EXOC6: variants seen among roughly 807,000 people sequenced by gnomAD.
EXOC6 encodes the protein SEC15-like 1.
In EXOC6, 60 loss-of-function variants were observed where a neutral mutation model predicts 112.5. The observed-to-expected ratio is 0.53, with a 90% CI of 0.43 to 0.66. EXOC6 has a LOEUF of 0.66. Among genes scored for constraint, EXOC6 ranks in the 30% least tolerant of loss-of-function variants. The probability of loss-of-function intolerance (pLI) is 0.00; values close to 1 mark genes in which losing one functional copy is unlikely to be tolerated. For synonymous variants in EXOC6, 295 were observed against 308.0 expected, an observed-to-expected ratio of 0.96 and a Z score of 0.44; for missense variants, 855 against 957.1, an observed-to-expected ratio of 0.89 and a Z score of 1.41.
chr10:92,914,062 G>T (rs1027698581), intron 6 of EXOC6, among the ~76,000 whole-genome samples: 4 of 152,164 alleles, frequency 2.6e-5, no homozygotes, highest in Non-Finnish European at 5.9e-5. Context: ...CCGTGGACTG[G>T]TACCTGTCTG....
At chr10:92,829,994 A>C (rs964537032), upstream of EXOC6, among the ~76,000 whole-genome samples, 1 of 152,168 alleles carries the variant, frequency 6.6e-6, no homozygotes, top group African/African-American at 2.4e-5. Context: ...GGAATCACCC[A>C]CCCCTTTCCC....
intron 13 of EXOC6, among the ~76,000 whole-genome samples, chr10:92,946,385 C>A (rs1032843528): frequency 1.3e-5 from 2 of 151,590 alleles, no homozygotes; most frequent in Non-Finnish European, 2.9e-5. Context: ...CAGAGTGAGA[C>A]CCTGTCTTAA....
intron 13 of EXOC6, among the ~76,000 whole-genome samples, chr10:92,944,702 C>G (rs1264432577): frequency 6.6e-6 from 1 of 152,088 alleles, no homozygotes; most frequent in Non-Finnish European, 1.5e-5. Flanking sequence ...TTCTCCACAT[C>G]CTCACCAACA....
intron 17 of EXOC6, among the ~76,000 whole-genome samples, chr10:92,962,954 ATTCTTGT>A (rs1854097338): frequency 6.6e-6 from 1 of 152,132 alleles, no homozygotes; most frequent in African/African-American, 2.4e-5. Flanking sequence ...TGCCATACTT[ATTCTTGT>A]TACCTGCCTG....
At chr10:92,890,697 G>A (rs530034115) in intron 1 of EXOC6, among the ~76,000 whole-genome samples, 1 of 152,004 alleles carries the variant, frequency 6.6e-6, no homozygotes, top group African/African-American at 2.4e-5. Flanking sequence ...TCTGTGTCTG[G>A]TCTATCTAGA....
At chr10:93,002,005 C>T (rs1489362820) in intron 19 of EXOC6, among the ~76,000 whole-genome samples, 1 of 152,120 alleles carries the variant, frequency 6.6e-6, no homozygotes, top group Non-Finnish European at 1.5e-5. Flanking sequence ...AATTATGTAG[C>T]TTTGCTATCA....
chr10:92,956,609 C>G (rs1403749828), intron 17 of EXOC6, among the ~76,000 whole-genome samples: 1 of 152,052 alleles, frequency 6.6e-6, no homozygotes, highest in Non-Finnish European at 1.5e-5. Context: ...TGCTTGGCCC[C>G]CAAATATTAT....
chr10:92,943,011 T>C (rs1322457071), intron 13 of EXOC6, among the ~76,000 whole-genome samples: 1 of 151,982 alleles, frequency 6.6e-6, no homozygotes, highest in Non-Finnish European at 1.5e-5. Flanking sequence ...TTCCAGATCA[T>C]GCTTTTTGCC....
At position 92,891,830 on chromosome 10, in the gene EXOC6, GT is replaced by G. The variant is rs1393578124; in HGVS notation, c.102-1518del. Among the ~76,000 whole-genome samples the G allele has an allele frequency of 2.6e-5, 4 of 152,256 alleles. 1 individual carries two copies. The highest frequency in any genetic ancestry group is 6.8e-3 in the Middle Eastern group (2 of 294). On this transcript the variant is annotated intron_variant, in intron 1 of 21. Transcript: ENST00000260762. ...TTGGTATCCTATATTGTTACCTCTT[GT>G]ATTAGAGAGTGTATTCATTAAAAAC...
chr10:92,948,618 T>TACC (rs1236002275), intron 14 of EXOC6, among the ~76,000 whole-genome samples: 1 of 150,738 alleles, frequency 6.6e-6, no homozygotes, highest in Non-Finnish European at 1.5e-5. Flanking sequence ...CTACTACTAC[T>TACC]ACTGAGATTT....
At chr10:92,853,813 C>A (rs866673046) in intron 1 of EXOC6, among the ~76,000 whole-genome samples, 65 of 152,154 alleles carry the variant, frequency 4.3e-4, no homozygotes, top group Middle Eastern at 6.8e-3. Flanking sequence ...ATCTTTGTGA[C>A]TTTAGGATAG....
intron 18 of EXOC6, among the ~76,000 whole-genome samples, chr10:92,996,644 A>T (rs542294440): frequency 1.3e-5 from 2 of 152,200 alleles, no homozygotes; most frequent in African/African-American, 2.4e-5. Flanking sequence ...AAAGTGATGT[A>T]GTTTTGTGAG....
intron 17 of EXOC6, among the ~76,000 whole-genome samples, chr10:92,959,602 A>G (rs1386552415): frequency 6.6e-6 from 1 of 152,228 alleles, no homozygotes; most frequent in Non-Finnish European, 1.5e-5. Flanking sequence ...AAATATTTGA[A>G]AAAGACTTAT....
chr10:93,017,599 A>G (rs1463423630), intron 20 of EXOC6, among the ~76,000 whole-genome samples: 1 of 151,986 alleles, frequency 6.6e-6, no homozygotes, highest in Non-Finnish European at 1.5e-5. Flanking sequence ...AAACAAACAA[A>G]CACTACATAT....
intron 12 of EXOC6, among the ~76,000 whole-genome samples, chr10:92,940,257 C>T (rs545077395): frequency 5.9e-5 from 9 of 152,184 alleles, no homozygotes; most frequent in African/African-American, 1.7e-4. Context: ...GAATAAAATT[C>T]GGAAGTGTGA....
At chr10:92,827,474 C>CAAAAAAAA (rs60863083) in intron 1 of EXOC6, among the ~76,000 whole-genome samples, 1,186 of 33,224 alleles carry the variant, frequency 0.036, 367 homozygotes, top group East Asian at 0.19. Context: ...GCCCTGTTGC[C>CAAAAAAAA]AAAAAAAAAA....
At chr10:93,033,138 A>G (rs2134299732) in intron 20 of EXOC6, among the ~76,000 whole-genome samples, 1 of 152,296 alleles carries the variant, frequency 6.6e-6, no homozygotes, top group East Asian at 1.9e-4. Context: ...AAGGGTTTCA[A>G]GCAGGTTAGT....
At chr10:92,939,650 G>T (rs950999706) in intron 12 of EXOC6, among the ~76,000 whole-genome samples, 9 of 151,844 alleles carry the variant, frequency 5.9e-5, no homozygotes, top group African/African-American at 2.2e-4. Flanking sequence ...CAGATTTGAA[G>T]TAATCATCAG....
intron 13 of EXOC6, among the ~76,000 whole-genome samples, chr10:92,941,057 T>A (rs1852641459): frequency 6.6e-6 from 1 of 152,086 alleles, no homozygotes; most frequent in Non-Finnish European, 1.5e-5. Context: ...AAATAGAAAC[T>A]CTGTACTCAC....
Sources: allele counts gnomAD v4.1 joint callset (sites outside exome capture counted in the v4.1 genomes callset), GRCh38; gene constraint gnomAD v4.1.1; transcripts MANE v1.5; gene names NCBI Gene and HGNC (gene_info 2026-07-23, HGNC 2026-07-21).